FREM1: variants seen among roughly 807,000 people sequenced by gnomAD.
FREM1 encodes FRAS1-related extracellular matrix protein 1.
Under a neutral mutation model 210.1 loss-of-function variants are expected in FREM1, and 220 were observed. The ratio of observed to expected loss-of-function variants is 1.05; its 90% CI spans 0.94 to 1.17. The LOEUF is 1.17. Ranked by LOEUF, FREM1 falls within the 50% of genes most tolerant of loss-of-function variation. The pLI is 0.00. For missense variants in FREM1, 3,454 were observed against 2,675.5 expected, an observed-to-expected ratio of 1.29 and a Z score of -6.42; for synonymous variants, 1,189 against 980.2, an observed-to-expected ratio of 1.21 and a Z score of -3.98.
At chr9:14,798,573 T>G (rs2133221665) in intron 20 of FREM1, among the ~76,000 whole-genome samples, 1 of 152,184 alleles carries the variant, frequency 6.6e-6, no homozygotes, top group African/African-American at 2.4e-5. Flanking sequence ...TCATCCCACT[T>G]CACTCAAGCC....
At chr9:14,742,154 T>C (rs1264407682) in intron 35 of FREM1, among the ~76,000 whole-genome samples, 1 of 152,308 alleles carries the variant, frequency 6.6e-6, no homozygotes, top group Non-Finnish European at 1.5e-5. Context: ...TATATGGATA[T>C]AAAATTATAA....
At chr9:14,818,667 A>G (rs1820741800) in intron 14 of FREM1, among the ~76,000 whole-genome samples, 1 of 152,224 alleles carries the variant, frequency 6.6e-6, no homozygotes, top group African/African-American at 2.4e-5. Flanking sequence ...AGGTAAGGGC[A>G]GTTTCTCTAG....
Position 14,770,668 on chromosome 9 carries a change from C to A in FREM1, c.4996G>T (p.Asp1666Tyr). The A allele has an allele frequency of 6.2e-7, 1 of 1,613,468 alleles. No individual in the cohort carries two copies. The highest frequency in any genetic ancestry group is 1.1e-5 in the South Asian group (1 of 91,062). ...LKASDPDTED[D>Y]QIIFKILQGP... is the part of the protein sequence containing the mutation. ...TGTAGAATTTTAAAGATGATCTGAT[C>A]GTCCTCAGTGTCAGGGTCTGATGCC... Residue 1666 changes from aspartate to tyrosine, a missense_variant, in exon 26 of 37, where the codon GAT becomes TAT. Coordinates refer to ENST00000380880, the MANE Select transcript of FREM1 (RefSeq NM_001379081.2).
At chr9:14,898,312 A>G in intron 1 of FREM1, among the ~76,000 whole-genome samples, 1 of 152,250 alleles carries the variant, frequency 6.6e-6, no homozygotes, top group East Asian at 1.9e-4. Context: ...GCACACACAT[A>G]GAGCAAGGCT....
rs1462360766 is a variant in FREM1 at position 14,788,978 on chromosome 9, T to A, written c.4118A>T (p.Asp1373Val). The change falls in exon 23 of 37, where the codon GAT (aspartate) becomes GTT (valine). Residue 1373 changes from aspartate (D) to valine (V), a missense_variant. Transcript: ENST00000380880. Reference protein sequence around the residue: ...NQDSFTFYLWDGNNRSPALDC... With the variant: ...NQDSFTFYLWVGNNRSPALDC... ...AAGAGCAGGGGACCTGTTGTTGCCA[T>A]CCCAAAGGTAGAAGGTGAAGCTATC... The A allele has an allele frequency of 3.1e-6, 5 of 1,612,996 alleles. No individual in the cohort carries two copies. Among genetic ancestry groups the A allele is most frequent in the East Asian group, 4.5e-5 (2 of 44,886 alleles).
At chr9:14,812,301 A>C (rs1819541054) in intron 16 of FREM1, among the ~76,000 whole-genome samples, 1 of 152,246 alleles carries the variant, frequency 6.6e-6, no homozygotes, top group Non-Finnish European at 1.5e-5. Flanking sequence ...TTTTCTGTAC[A>C]TCTAACCTGT....
intron 24 of FREM1, among the ~76,000 whole-genome samples, chr9:14,780,771 G>A (rs755512844): frequency 6.6e-6 from 1 of 152,146 alleles, no homozygotes; most frequent in African/African-American, 2.4e-5. Flanking sequence ...AAATTTAACA[G>A]CAAGCAACAT....
intron 3 of FREM1, among the ~76,000 whole-genome samples, chr9:14,860,840 T>C (rs894277945): frequency 2.6e-5 from 3 of 116,208 alleles, no homozygotes; most frequent in Non-Finnish European, 3.3e-5. Flanking sequence ...TATACGTATA[T>C]ATACATATAT....
At chr9:14,904,174 T>G (rs1294170503) in intron 1 of FREM1, among the ~76,000 whole-genome samples, 1 of 148,298 alleles carries the variant, frequency 6.7e-6, no homozygotes, top group Non-Finnish European at 1.5e-5. Context: ...TTATAGAGAC[T>G]AGTGACTAGT....
At chr9:14,865,797 C>T (rs1831412559) in intron 2 of FREM1, among the ~76,000 whole-genome samples, 1 of 151,860 alleles carries the variant, frequency 6.6e-6, no homozygotes, top group African/African-American at 2.4e-5. Flanking sequence ...AGCACAAATT[C>T]AACAAAACAA....
rs760137680 is a variant in FREM1 at position 14,813,027 on chromosome 9, G to T, written c.2678C>A (p.Ala893Asp). 2.7e-5 allele frequency: 43 copies of T among 1,613,560 alleles called. No homozygotes were observed. The highest frequency in any genetic ancestry group is 3.4e-5 in the Non-Finnish European group (40 of 1,179,704). The change falls in exon 16 of 37, where the codon GCT becomes GAT. Residue 893 changes from alanine (A) to aspartate (D), a missense_variant. Transcript: ENST00000380880. ...PVNDEPPVLK[A>D]DLMPVMNCSE... is the part of the protein sequence containing the mutation. ...GCAATTCATGACAGGCATGAGGTCA[G>T]CCTTTAAGACTGGTGGCTCATCGTT...
Position 14,805,070 on chromosome 9 carries a change from G to T in FREM1, c.3357C>A (p.Asp1119Glu), listed in dbSNP as rs761057149. The part of the protein sequence containing the change: ...SRHLRIEPTA[D>E]QFTVYVTDGK... ...CATCTGTGACGTACACCGTGAACTG[G>T]TCGGCAGTTGGTTCTATCCTCAGAT... The change falls in exon 19 of 37, where the codon GAC (aspartate) becomes GAA (glutamate). Residue 1119 changes from aspartate (D) to glutamate (E), a missense_variant. Coordinates refer to ENST00000380880, the MANE Select transcript of FREM1 (RefSeq NM_001379081.2). 8.1e-6 allele frequency: 13 copies of T among 1,612,838 alleles called. No individual in the cohort carries two copies. Among genetic ancestry groups the T allele is most frequent in the Non-Finnish European group, 1.1e-5 (13 of 1,178,994 alleles).
chr9:14,864,015 A>ATG, intron 2 of FREM1, 112 bp from the exon 3 acceptor site: 1 of 704,584 alleles, frequency 1.4e-6, no homozygotes, highest in Non-Finnish European at 2.6e-6. Context: ...TAATGTGTGT[A>ATG]TGTGTGTGAG....
chr9:14,864,949 G>A (rs888614554), intron 2 of FREM1, among the ~76,000 whole-genome samples: 3 of 152,262 alleles, frequency 2.0e-5, no homozygotes, highest in African/African-American at 7.2e-5. Context: ...TGGTAATAAA[G>A]AGACAGTCTG....
At chr9:14,850,709 C>T (rs1456232211) in intron 6 of FREM1, among the ~76,000 whole-genome samples, 1 of 151,934 alleles carries the variant, frequency 6.6e-6, no homozygotes, top group Non-Finnish European at 1.5e-5. Flanking sequence ...GCACATGTAC[C>T]CCAGAACTTA....
intron 4 of FREM1, among the ~76,000 whole-genome samples, chr9:14,858,899 T>A (rs1252498341): frequency 4.6e-5 from 7 of 152,302 alleles, no homozygotes; most frequent in Non-Finnish European, 1.0e-4. Flanking sequence ...CCTCATTTAC[T>A]CTTATCCTTA....
chr9:14,840,109 T>C (rs2818932), intron 10 of FREM1, among the ~76,000 whole-genome samples: 110,788 of 152,090 alleles, frequency 0.73, 43,493 homozygotes, highest in Non-Finnish European at 0.88. Context: ...CCTTCTGTTA[T>C]ACTCTTCTTA....
chr9:14,898,626 C>A (rs143506802), intron 1 of FREM1, among the ~76,000 whole-genome samples: 2,595 of 152,228 alleles, frequency 0.017, 31 homozygotes, highest in African/African-American at 0.033. Flanking sequence ...CCTGTAATCC[C>A]AACTACTCAG....
intron 1 of FREM1, among the ~76,000 whole-genome samples, chr9:14,871,592 C>T (rs1197667659): frequency 6.6e-6 from 1 of 152,086 alleles, no homozygotes; most frequent in African/African-American, 2.4e-5. Flanking sequence ...AATTTTCTCC[C>T]ATTGTATAGG....
Sources: gnomAD v4.1 joint callset for allele counts (sites outside exome capture counted in the v4.1 genomes callset) on GRCh38, gnomAD v4.1.1 for gene constraint, MANE v1.5 for transcripts, NCBI Gene and HGNC (gene_info 2026-07-23, HGNC 2026-07-21) for gene names.